Variants in SYCE1 observed in about 807,000 individuals in gnomAD.
SYCE1 encodes the protein synaptonemal complex central element protein 1.
A neutral mutation model predicts 55.1 loss-of-function variants in SYCE1; 37 were observed. The ratio of observed to expected loss-of-function variants is 0.67; its 90% confidence interval spans 0.52 to 0.88. The LOEUF (loss-of-function observed/expected upper bound fraction) is 0.88. Ranked by LOEUF, SYCE1 falls within the 40% of genes least tolerant of loss-of-function variation. The pLI, the probability that SYCE1 is intolerant of heterozygous loss-of-function variation, is 0.00. For missense variants in SYCE1, 399 were observed against 416.4 expected (o/e 0.96, Z 0.36); for synonymous variants, 163 against 159.4 (o/e 1.02, Z -0.17).
chr10:133,559,493 T>G, intron 2 of SYCE1, 133 bp from the exon 3 acceptor site: 2 of 795,520 alleles, frequency 2.5e-6, no homozygotes, highest in Non-Finnish European at 4.3e-6. Context: ...TGTGGGGCCC[T>G]CACGGGGCTC....
In SYCE1 at chr10:133,563,394, T is replaced by G. The variant is rs188804940; in HGVS notation, c.73+2063A>C. Among the ~76,000 whole-genome samples, 8 of 152,272 alleles carry G rather than the reference T, an allele frequency of 5.3e-5. No individual in the cohort carries two copies. In the East Asian group the frequency reaches 1.5e-3, roughly 29 times the overall value. The stretch of plus-strand genomic sequence containing the variant: ...ACAGCCATTAAAAATCATGCATACA[T>G]GCATAAGGCCAGGCTCAGTGGTTCA... On this transcript the variant is annotated intron_variant, in intron 1 of 12. Coordinates refer to ENST00000343131, the MANE Select transcript of SYCE1 (RefSeq NM_001143764.3).
chr10:133,556,786 G>A lies in SYCE1; in HGVS notation c.501C>T (p.Gly167=). ...GGAAGTCCCAGAGGTCCTTGTGCTG[G>A]CCCATCAGATCTTCCAGCTGTTCCT... is the stretch of plus-strand genomic sequence containing the variant. ...AFEEQLEDLM[G]QHKDLWDFHM... is the part of the protein sequence containing the mutation. Residue 167 remains glycine (G), a synonymous_variant, in exon 8 of 13, where the codon GGC becomes GGT. Transcript: ENST00000343131. 1 of 1,573,442 alleles carries A rather than the reference G, an allele frequency of 6.4e-7. No homozygotes were observed.
At chr10:133,557,790 T>G (rs1851722979) in intron 6 of SYCE1, 74 bp downstream of exon 6, 1 of 1,539,046 alleles carries the variant, frequency 6.5e-7, no homozygotes, top group Non-Finnish European at 9.0e-7. Flanking sequence ...GGTCTCAGAT[T>G]CATCTTCCTG....
downstream of SYCE1, chr10:133,554,383 A>T: frequency 1.9e-6 from 3 of 1,550,932 alleles, no homozygotes; most frequent in Non-Finnish European, 2.7e-6. Flanking sequence ...GACTCAGGAG[A>T]TGCAGACTTT....
In SYCE1 at chr10:133,555,920, C is replaced by T; in HGVS notation, c.596-17G>A. 1 of 1,613,526 alleles carries T rather than the reference C, an allele frequency of 6.2e-7. No individual in the cohort carries two copies. The highest frequency in any genetic ancestry group is 8.5e-7 in the Non-Finnish European group (1 of 1,179,626). On this transcript the variant is annotated splice_polypyrimidine_tract_variant and intron_variant, in intron 9 of 12. Coordinates refer to ENST00000343131, the MANE Select transcript of SYCE1 (RefSeq NM_001143764.3). ...CCAGCTTCTCTGCAGCACAAAGGGGCAGGTGAGCACATGAAGGCACGTGAG... is the reference window on the plus strand; with the variant it reads ...CCAGCTTCTCTGCAGCACAAAGGGGTAGGTGAGCACATGAAGGCACGTGAG...
At position 133,558,155 on chromosome 10, in the gene SYCE1, A is replaced by G. The variant is rs1851734257; in HGVS notation, c.319+12T>C. ...AAAGGCACAAGCCTGGAGACAGGGG[A>G]GCGGCAAATACCTTGTTTTTTGCTC... On this transcript the variant is annotated intron_variant, in intron 5 of 12. Coordinates refer to ENST00000343131, the MANE Select transcript of SYCE1 (RefSeq NM_001143764.3). 4 of 1,613,994 alleles carry G rather than the reference A, an allele frequency of 2.5e-6. No homozygotes were observed. In the East Asian group the frequency reaches 6.7e-5, roughly 27 times the overall value.
chr10:133,561,852 G>A (rs896013045), intron 1 of SYCE1, among the ~76,000 whole-genome samples: 1 of 152,034 alleles, frequency 6.6e-6, no homozygotes, highest in Non-Finnish European at 1.5e-5. Flanking sequence ...CCAAAGGAAA[G>A]TTCCAAATTA....
upstream of SYCE1, among the ~76,000 whole-genome samples, chr10:133,566,610 G>A (rs1220789205): frequency 6.8e-6 from 1 of 147,354 alleles, no homozygotes; most frequent in Non-Finnish European, 1.5e-5. Flanking sequence ...GTTGGGGTTA[G>A]GGTATTGGGG....
At chr10:133,559,176 G>C in intron 3 of SYCE1, 125 bp downstream of exon 3, 3 of 1,100,918 alleles carry the variant, frequency 2.7e-6, no homozygotes, top group Non-Finnish European at 4.1e-6. Flanking sequence ...TTAATTTAAG[G>C]CTCTGCTGTT....
In SYCE1 at chr10:133,565,505, T is replaced by C. The variant is rs1851908050; in HGVS notation, c.25A>G (p.Lys9Glu). 2.6e-6 allele frequency: 4 copies of C among 1,550,008 alleles called. No individual in the cohort carries two copies. The highest frequency in any genetic ancestry group is 3.5e-6 in the Non-Finnish European group (4 of 1,146,774). Reference sequence around the variant, plus strand: ...ACGGCTCCTGCGGTGGGCTCGGCCTTCGATGTCAGGGACCTCCCCGCCATT... The same window carrying C: ...ACGGCTCCTGCGGTGGGCTCGGCCTCCGATGTCAGGGACCTCCCCGCCATT... The part of the protein sequence containing the change: MAGRSLTS[K>E]AEPTAGAVDR... The change falls in exon 1 of 13, where the codon AAG becomes GAG. Residue 9 changes from lysine to glutamate, a missense_variant. Physicochemically the swap from Lys to Glu is moderately conservative, Grantham distance 56. Coordinates refer to ENST00000343131, the MANE Select transcript of SYCE1 (RefSeq NM_001143764.3).
At chr10:133,568,257 T>G, upstream of SYCE1, 6 of 1,421,930 alleles carry the variant, frequency 4.2e-6, no homozygotes, top group African/African-American at 1.4e-5. Context: ...CCAGGCCGCG[T>G]TCCCCGGGTC....
At chr10:133,565,636 C>G, upstream of SYCE1, 2 of 1,070,698 alleles carry the variant, frequency 1.9e-6, no homozygotes, top group Non-Finnish European at 2.6e-6. Flanking sequence ...GCGCAATGCA[C>G]TCCTGCGCGC....
In SYCE1 at chr10:133,555,780, A is replaced by G. The variant is rs555457199; in HGVS notation, c.719T>C (p.Val240Ala). Residue 240 changes from valine to alanine, a missense_variant and splice_region_variant, in exon 10 of 13, where the codon GTG becomes GCG. By Grantham distance (64) the Val-to-Ala change is moderately conservative (BLOSUM62 0). Coordinates refer to ENST00000343131, the MANE Select transcript of SYCE1 (RefSeq NM_001143764.3). ...FLRSQEAAAT[V>A]QLFQEEHRKA... ...CACCCTCTTCCCCTCCACATCTTAC[A>G]CTGTGGCTGCAGCCTCCTGGCTGCG... The G allele has an allele frequency of 5.0e-6, 8 of 1,612,368 alleles. No individual in the cohort carries two copies. The African/African-American group carries it at 5.3e-5, about 11-fold the overall frequency.
At position 133,557,928 on chromosome 10, in the gene SYCE1, G is replaced by A. The variant is rs374007149; in HGVS notation, c.320-10C>T. On this transcript the variant is annotated splice_polypyrimidine_tract_variant and intron_variant, in intron 5 of 12. Transcript: ENST00000343131. The stretch of plus-strand genomic sequence containing the variant: ...AGGATCCTCAGGGTCTCTGTAGGGA[G>A]AGCAACAGGGCCCTATGAGAACCTG... The A allele has an allele frequency of 3.8e-5, 61 of 1,613,988 alleles. No individual in the cohort carries two copies. The African/African-American group carries it at 6.4e-4, about 17-fold the overall frequency.
chr10:133,556,906 G>A, intron 7 of SYCE1, 84 bp from the exon 8 acceptor site: 1 of 1,549,556 alleles, frequency 6.5e-7, no homozygotes, highest in Non-Finnish European at 8.9e-7. Context: ...TCTTCAGGCA[G>A]ATTTTGGGGT....
At position 133,556,636 on chromosome 10, in the gene SYCE1, T is replaced by C. The variant is rs889551972; in HGVS notation, c.528+123A>G. The C allele has an allele frequency of 1.0e-5, 10 of 995,298 alleles. No homozygotes were observed. In the African/African-American group the frequency reaches 1.6e-4, roughly 16 times the overall value. The allele number at this position is 995,298 out of a possible 1,614,324, so 61.7% of individuals were successfully genotyped here. A position where few individuals can be genotyped will look rare whatever the true frequency, so the allele number is the denominator to read the frequency against. On this transcript the variant is annotated intron_variant, in intron 8 of 12. Coordinates refer to ENST00000343131, the MANE Select transcript of SYCE1 (RefSeq NM_001143764.3). ...AGGGACTGGATTCAGGCAATGTCGA[T>C]CTTAGCACCACCAGGGCTTGCTTGG...
Position 133,556,925 on chromosome 10 carries a change from C to T in SYCE1, c.465-103G>A. ...CAGGCAGATTTTGGGGTGCTTTGCC[C>T]ATGGTCTCTGCTCCACTGGGAACAT... On this transcript the variant is annotated intron_variant, in intron 7 of 12. Coordinates refer to ENST00000343131, the MANE Select transcript of SYCE1 (RefSeq NM_001143764.3). The T allele has an allele frequency of 4.6e-6, 7 of 1,522,380 alleles. No homozygotes were observed. The South Asian group carries it at 7.9e-5, about 17-fold the overall frequency. The allele number at this position is 1,522,380 out of a possible 1,614,324, so 94.3% of individuals were successfully genotyped here.
intron 1 of SYCE1, among the ~76,000 whole-genome samples, chr10:133,562,645 T>G (rs550449737): frequency 2.0e-5 from 3 of 152,218 alleles, no homozygotes; most frequent in Non-Finnish European, 2.9e-5. Context: ...TTTTTTTGTT[T>G]ATTAATTATT....
intron 1 of SYCE1, among the ~76,000 whole-genome samples, chr10:133,562,261 ATGTGTGTGTGTG>A (rs59050384): frequency 0.13 from 19,184 of 142,762 alleles, 1,440 homozygotes; most frequent in African/African-American, 0.21. Flanking sequence ...CTAACATCCA[ATGTGTGTGTGTG>A]TGTGTGTGTG....
Sources: gnomAD v4.1 joint callset for allele counts (sites outside exome capture counted in the v4.1 genomes callset) on GRCh38, gnomAD v4.1.1 for gene constraint, MANE v1.5 for transcripts, NCBI Gene and HGNC (gene_info 2026-07-23, HGNC 2026-07-21) for gene names.